Variants in MSRA observed in about 807,000 individuals in gnomAD.
MSRA encodes methionine sulfoxide reductase A.
A neutral mutation model predicts 31.3 loss-of-function variants in MSRA; 54 were observed. The ratio of observed to expected loss-of-function variants is 1.73; its 90% CI spans 1.39 to 2.17. MSRA has a LOEUF of 2.17. Among genes scored for constraint, MSRA ranks in the 30% most tolerant of loss-of-function variants. The pLI is 0.00. For synonymous variants in MSRA, 169 were observed against 116.5 expected (o/e 1.45, Z -2.90); for missense variants, 507 against 300.9 (o/e 1.69, Z -5.07).
chr8:10,169,637 T>A (rs1036476784), intron 1 of MSRA, among the ~76,000 whole-genome samples: 1 of 152,154 alleles, frequency 6.6e-6, no homozygotes, highest in African/African-American at 2.4e-5. Context: ...AAAATGAAAA[T>A]GTTATTCAAA....
chr8:10,196,976 A>C lies in MSRA; in HGVS notation c.143-10857A>C, dbSNP rs1808050661. On this transcript the variant is annotated intron_variant, in intron 1 of 5. Coordinates refer to ENST00000317173, the MANE Select transcript of MSRA (RefSeq NM_012331.5). ...AAAATGTAAAATATGTTTTAGACTC[A>C]ATAGGAAACACATGTCTTAGTATAA... is the stretch of plus-strand genomic sequence containing the variant. Among the ~76,000 whole-genome samples the C allele has an allele frequency of 2.0e-5, 3 of 152,278 alleles. No homozygotes were observed. The South Asian group carries it at 6.2e-4, about 32-fold the overall frequency.
At chr8:10,366,349 G>A (rs1464746488) in intron 5 of MSRA, among the ~76,000 whole-genome samples, 1 of 152,252 alleles carries the variant, frequency 6.6e-6, no homozygotes, top group Non-Finnish European at 1.5e-5. Flanking sequence ...AGGCAAGCCC[G>A]TGTGAGCTCG....
chr8:10,214,174 C>G (rs1275699907), intron 2 of MSRA, among the ~76,000 whole-genome samples: 2 of 152,258 alleles, frequency 1.3e-5, no homozygotes, highest in East Asian at 3.9e-4. Context: ...CACGGCACAT[C>G]TCTTTTGACA....
chr8:10,155,614 T>A (rs1804093325), intron 1 of MSRA, among the ~76,000 whole-genome samples: 1 of 152,170 alleles, frequency 6.6e-6, no homozygotes, highest in African/African-American at 2.4e-5. Context: ...TGAGATCCTT[T>A]ATTGCACCAA....
intron 1 of MSRA, among the ~76,000 whole-genome samples, chr8:10,153,871 T>C (rs376250717): frequency 6.6e-6 from 1 of 152,366 alleles, no homozygotes; most frequent in East Asian, 1.9e-4. Context: ...ATCCAGGCTT[T>C]AGGATGCCTC....
intron 5 of MSRA, among the ~76,000 whole-genome samples, chr8:10,377,158 T>G (rs1291651357): frequency 1.3e-5 from 2 of 152,238 alleles, no homozygotes; most frequent in African/African-American, 4.8e-5. Context: ...ATCGCGAGTT[T>G]TTCTTGGAAC....
intron 1 of MSRA, among the ~76,000 whole-genome samples, chr8:10,177,031 A>G (rs1806111095): frequency 1.3e-5 from 2 of 152,242 alleles, no homozygotes; most frequent in Non-Finnish European, 2.9e-5. Flanking sequence ...TTCTCAATAG[A>G]GACCTTAGAA....
At chr8:10,397,683 T>G (rs1807184066) in intron 5 of MSRA, among the ~76,000 whole-genome samples, 1 of 152,252 alleles carries the variant, frequency 6.6e-6, no homozygotes, top group South Asian at 2.1e-4. Flanking sequence ...TCATTTCGTC[T>G]TCTACCTTAT....
chr8:10,171,989 G>A (rs1215262428), intron 1 of MSRA, among the ~76,000 whole-genome samples: 3 of 152,222 alleles, frequency 2.0e-5, no homozygotes, highest in African/African-American at 7.2e-5. Flanking sequence ...TAGGTTATGA[G>A]ATGGGGGTAT....
In MSRA at chr8:10,282,141, G is replaced by C. The variant is rs76856650; in HGVS notation, c.332-19393G>C. ...AATGAATAGTAATAATTTATAATTCGTACTAATCAAAAACCTTTCATCCAC... is the reference window on the plus strand; with the variant it reads ...AATGAATAGTAATAATTTATAATTCCTACTAATCAAAAACCTTTCATCCAC... On this transcript the variant is annotated intron_variant, in intron 3 of 5. Transcript: ENST00000317173. Among the ~76,000 whole-genome samples the C allele has an allele frequency of 3.0e-4, 46 of 152,006 alleles. 1 individual carries two copies. Among genetic ancestry groups the C allele is most frequent in the African/African-American group, 9.4e-4 (39 of 41,356 alleles).
At chr8:10,115,804 G>C (rs1274827671) in intron 1 of MSRA, among the ~76,000 whole-genome samples, 1 of 152,166 alleles carries the variant, frequency 6.6e-6, no homozygotes, top group Non-Finnish European at 1.5e-5. Flanking sequence ...ATTAAGAAGA[G>C]TTAGAAGAGG....
chr8:10,104,032 A>G (rs1799707631), intron 1 of MSRA, among the ~76,000 whole-genome samples: 1 of 152,158 alleles, frequency 6.6e-6, no homozygotes, highest in Non-Finnish European at 1.5e-5. Flanking sequence ...TGCAAATGAA[A>G]TTAGATATTT....
At chr8:10,192,119 C>T (rs772084992) in intron 1 of MSRA, among the ~76,000 whole-genome samples, 1 of 152,178 alleles carries the variant, frequency 6.6e-6, no homozygotes, top group Non-Finnish European at 1.5e-5. Flanking sequence ...AGCAAGCCAT[C>T]TAAGGAGAAC....
chr8:10,287,992 C>T (rs1800028143), intron 3 of MSRA, among the ~76,000 whole-genome samples: 1 of 152,062 alleles, frequency 6.6e-6, no homozygotes, highest in Admixed American at 6.6e-5. Flanking sequence ...TTGGCTGCAT[C>T]CCAGAGAGTG....
At chr8:10,401,905 A>C (rs1314383242) in intron 5 of MSRA, among the ~76,000 whole-genome samples, 2 of 152,172 alleles carry the variant, frequency 1.3e-5, no homozygotes, top group Non-Finnish European at 1.5e-5. Flanking sequence ...GGCTGAGGAA[A>C]GGGGGAGTTA....
In MSRA at chr8:10,422,900, C is replaced by T. The variant is rs1396495656; in HGVS notation, c.544-5248C>T. On this transcript the variant is annotated intron_variant, in intron 5 of 5. Transcript: ENST00000317173. ...TCCGTCATGACCTGAACTCATTCTC[C>T]ATCCCCAAAAGTGGCCCCATAGGGC... is the stretch of plus-strand genomic sequence containing the variant. 2.0e-5 allele frequency among the ~76,000 whole-genome samples: 3 copies of T among 152,232 alleles called. No homozygotes were observed. In the East Asian group the frequency reaches 5.8e-4, roughly 29 times the overall value.
intron 4 of MSRA, among the ~76,000 whole-genome samples, chr8:10,303,547 C>A (rs1327975592): frequency 6.6e-6 from 1 of 152,188 alleles, no homozygotes; most frequent in Admixed American, 6.5e-5. Context: ...AAGGGCATGG[C>A]TAAGGTTGTA....
chr8:10,411,672 T>C (rs1028662815), intron 5 of MSRA: 3 of 152,258 alleles, frequency 2.0e-5, no homozygotes, highest in African/African-American at 7.2e-5. Flanking sequence ...TTTAATTTCT[T>C]AATATTGAAA....
intron 4 of MSRA, among the ~76,000 whole-genome samples, chr8:10,310,521 C>G (rs185358075): frequency 5.9e-5 from 9 of 152,276 alleles, no homozygotes; most frequent in Admixed American, 3.9e-4. Flanking sequence ...TCTAGTGTTA[C>G]AAGGGTTTGG....
Sources: gnomAD v4.1 joint callset for allele counts (sites outside exome capture counted in the v4.1 genomes callset) on GRCh38, gnomAD v4.1.1 for gene constraint, MANE v1.5 for transcripts, NCBI Gene and HGNC (gene_info 2026-07-23, HGNC 2026-07-21) for gene names.